The following ZNF43 variants were observed in gnomAD, a reference collection of about 807,000 sequenced individuals.
The protein encoded by ZNF43 is zinc finger protein 43, also known as zinc finger protein 39-like 1 (KOX 27).
Under a neutral mutation model 68.4 loss-of-function variants are expected in ZNF43, and 44 were observed. That is an observed-to-expected ratio of 0.64 (90% CI 0.51 to 0.83). ZNF43 has a LOEUF of 0.83. Among genes scored for constraint, ZNF43 ranks in the 40% least tolerant of loss-of-function variants. ZNF43 has a pLI of 0.00. For synonymous variants in ZNF43, 308 were observed against 307.8 expected, an observed-to-expected ratio of 1.00 and a Z score of -0.01; for missense variants, 896 against 933.2, an observed-to-expected ratio of 0.96 and a Z score of 0.52.
chr19:21,807,990 A>T lies in ZNF43; in HGVS notation c.2047T>A (p.Cys683Ser), dbSNP rs755580125. ...TGEKPYKCEE[C>S]GKAFKLSSTL... ...GAGGACAGTTTAAAAGCTTTGCCAC[A>T]TTCTTCACATTTGTAGGGTTTCTCT... The change falls in exon 4 of 4, where the codon TGT becomes AGT. Residue 683 changes from cysteine to serine, a missense_variant. Cys to Ser is a moderately radical substitution (Grantham distance 112, BLOSUM62 -1). Coordinates refer to ENST00000354959, the MANE Select transcript of ZNF43 (RefSeq NM_003423.4). 17 of 1,612,702 alleles carry T rather than the reference A, an allele frequency of 1.1e-5. No homozygotes were observed. Among genetic ancestry groups the T allele is most frequent in the Non-Finnish European group, 3.4e-6 (4 of 1,179,878 alleles).
In ZNF43 at chr19:21,816,855, T is replaced by C. The variant is rs141706344; in HGVS notation, c.229+1033A>G. Among the ~76,000 whole-genome samples the C allele has an allele frequency of 1.7e-3, 266 of 152,122 alleles. 2 individuals are homozygous for C. The highest frequency in any genetic ancestry group is 4.7e-4 in the Non-Finnish European group (32 of 68,010). ...TACAGAGGAAAGTCCAAAAATAAAA[T>C]GGAAATTACAACTACCCAAGCCCCT... is the stretch of plus-strand genomic sequence containing the variant. On this transcript the variant is annotated intron_variant, in intron 3 of 3. Coordinates refer to ENST00000354959, the MANE Select transcript of ZNF43 (RefSeq NM_003423.4).
chr19:21,812,307 T>C (rs2037317731), intron 3 of ZNF43, among the ~76,000 whole-genome samples: 1 of 152,098 alleles, frequency 6.6e-6, no homozygotes, highest in South Asian at 2.1e-4. Context: ...TTTATATTTT[T>C]AGTAGAGACA....
intron 2 of ZNF43, 74 bp from the exon 3 acceptor site, chr19:21,818,060 A>G: frequency 2.8e-6 from 4 of 1,430,156 alleles, no homozygotes; most frequent in Non-Finnish European, 3.8e-6. Context: ...TGTGTCCAGT[A>G]TGAAGGGTGT....
intron 1 of ZNF43, among the ~76,000 whole-genome samples, chr19:21,842,270 A>G (rs997315371): frequency 1.3e-5 from 2 of 151,712 alleles, no homozygotes; most frequent in African/African-American, 4.8e-5. Context: ...TTAGCTAGGT[A>G]TGGTGGTGCA....
chr19:21,838,403 T>C (rs1318990067), upstream of ZNF43, among the ~76,000 whole-genome samples: 1 of 137,512 alleles, frequency 7.3e-6, no homozygotes, highest in East Asian at 2.1e-4. Context: ...TTCTAAATTT[T>C]TTTTTTTTTT....
In ZNF43 at chr19:21,805,930, G is replaced by C. The variant is rs983065880; in HGVS notation, c.*1677C>G. 2 of 149,990 alleles carry C rather than the reference G, an allele frequency of 1.3e-5. No individual in the cohort carries two copies. Among genetic ancestry groups the C allele is most frequent in the Admixed American group, 1.3e-4 (2 of 15,208 alleles). 9.3% of individuals were successfully genotyped at this position (149,990 alleles called of 1,614,324 possible). A position where few individuals can be genotyped will look rare whatever the true frequency, so the allele number is the denominator to read the frequency against. On this transcript the variant is annotated 3_prime_UTR_variant, in exon 4 of 4. Coordinates refer to ENST00000354959, the MANE Select transcript of ZNF43 (RefSeq NM_003423.4). ...ATAATGCTTCATTGAATGTACAATGGTCTTAACACATTTTTTTAAAAGTTA... is the reference window on the plus strand; with the variant it reads ...ATAATGCTTCATTGAATGTACAATGCTCTTAACACATTTTTTTAAAAGTTA...
chr19:21,847,924 G>A (rs555287120), intron 1 of ZNF43, among the ~76,000 whole-genome samples: 2 of 151,794 alleles, frequency 1.3e-5, no homozygotes, highest in South Asian at 2.1e-4. Context: ...TCCATGTCCC[G>A]CAATTCTCCT....
At position 21,819,230 on chromosome 19, in the gene ZNF43, A is replaced by T; in HGVS notation, c.4-9T>A. ...ATAAATGTCAATGGTCCCTAAAAAAAACAACACATACACACACAAACACAC... is the reference window on the plus strand; with the variant it reads ...ATAAATGTCAATGGTCCCTAAAAAATACAACACATACACACACAAACACAC... On this transcript the variant is annotated splice_polypyrimidine_tract_variant and intron_variant, in intron 1 of 3. Transcript: ENST00000354959. 6.3e-7 allele frequency: 1 copy of T among 1,586,632 alleles called. No homozygotes were observed. The highest frequency in any genetic ancestry group is 2.3e-5 in the East Asian group (1 of 44,368).
chr19:21,826,173 A>C (rs565632418), intron 1 of ZNF43, among the ~76,000 whole-genome samples: 7 of 152,366 alleles, frequency 4.6e-5, no homozygotes, highest in African/African-American at 1.4e-4. Flanking sequence ...ATAGGCAAAA[A>C]AACAATTCCA....
rs58951070 is a variant in ZNF43 at position 21,815,486 on chromosome 19, C to CATATATATATATATATATATATATATAT, written c.229+2401_229+2402insATATATATATATATATATATATATATAT. On this transcript the variant is annotated intron_variant, in intron 3 of 3. Coordinates refer to ENST00000354959, the MANE Select transcript of ZNF43 (RefSeq NM_003423.4). ...AAAGAATAGCCTTACAACTAAATTA[C>CATATATATATATATATATATATATATAT]ATATATATATATATATATATATTTT... Among the ~76,000 whole-genome samples the CATATATATATATATATATATATATATAT allele has an allele frequency of 2.9e-3, 411 of 139,390 alleles. 4 individuals are homozygous for CATATATATATATATATATATATATATAT. The highest frequency in any genetic ancestry group is 8.8e-3 in the East Asian group (41 of 4,642). The allele number at this position is 139,390 out of a possible 152,430, so 91.4% of individuals were successfully genotyped here. A position where few individuals can be genotyped will look rare whatever the true frequency, so the allele number is the denominator to read the frequency against.
intron 1 of ZNF43, among the ~76,000 whole-genome samples, chr19:21,821,806 T>C (rs1182253085): frequency 1.3e-5 from 2 of 152,098 alleles, no homozygotes; most frequent in African/African-American, 4.8e-5. Context: ...AACAAACTCA[T>C]TAGGGAGGAA....
At chr19:21,841,024 CAA>C (rs1360393399), upstream of ZNF43, 1 of 152,186 alleles carries the variant, frequency 6.6e-6, no homozygotes, top group Non-Finnish European at 1.5e-5. Context: ...GTGAGGGTGA[CAA>C]TGCTAACATT....
upstream of ZNF43, among the ~76,000 whole-genome samples, chr19:21,839,191 G>C (rs1050308022): frequency 6.6e-6 from 1 of 151,898 alleles, no homozygotes; most frequent in South Asian, 2.1e-4. Flanking sequence ...CAAAAAAGGA[G>C]AGTCACAACA....
At chr19:21,839,732 C>T (rs1360813831), upstream of ZNF43, 1 of 152,182 alleles carries the variant, frequency 6.6e-6, no homozygotes, top group African/African-American at 2.4e-5. Context: ...AAGAAAGTCA[C>T]ATTATATGGA....
At chr19:21,835,178 G>A (rs2145344760) in intron 1 of ZNF43, among the ~76,000 whole-genome samples, 2 of 142,002 alleles carry the variant, frequency 1.4e-5, no homozygotes, top group African/African-American at 5.1e-5. Context: ...GAATCCGGGA[G>A]ACGGAGGTTG....
chr19:21,817,341 G>A (rs539679803), intron 3 of ZNF43, among the ~76,000 whole-genome samples: 8 of 151,824 alleles, frequency 5.3e-5, no homozygotes, highest in African/African-American at 1.9e-4. Context: ...AAATATACAT[G>A]AAACTAGAAT....
chr19:21,842,423 C>G (rs996118129), intron 1 of ZNF43, among the ~76,000 whole-genome samples: 1 of 135,986 alleles, frequency 7.4e-6, no homozygotes, highest in South Asian at 2.3e-4. Flanking sequence ...AAAAAAAAAA[C>G]AATAAAATAA....
rs537259368 is a variant in ZNF43 at position 21,851,842 on chromosome 19, G to A, written c.30+63C>T. On this transcript the variant is annotated intron_variant, in intron 1 of 3. Coordinates refer to the ZNF43 transcript ENST00000357491. ...GGACTCAGGAGCGGACTGTGAGGAGGCCGGTCCCGCCACTTTCACAGCCTG... is the reference window on the plus strand; with the variant it reads ...GGACTCAGGAGCGGACTGTGAGGAGACCGGTCCCGCCACTTTCACAGCCTG... 6.4e-5 allele frequency: 96 copies of A among 1,507,986 alleles called. No homozygotes were observed. In the Admixed American group the frequency reaches 7.2e-4, roughly 11 times the overall value. 93.4% of individuals were successfully genotyped at this position (1,507,986 alleles called of 1,614,324 possible).
At chr19:21,827,167 T>C (rs1208224396) in intron 1 of ZNF43, 1 of 152,122 alleles carries the variant, frequency 6.6e-6, no homozygotes, top group East Asian at 1.9e-4. Context: ...AAATATATAT[T>C]CTCAGCAGAA....
Sources: gnomAD v4.1 joint callset for allele counts (sites outside exome capture counted in the v4.1 genomes callset) on GRCh38, gnomAD v4.1.1 for gene constraint, MANE v1.5 for transcripts, NCBI Gene and HGNC (gene_info 2026-07-23, HGNC 2026-07-21) for gene names.